The following PDE1C variants were observed in gnomAD, a reference collection of about 807,000 sequenced individuals.
PDE1C encodes dual specificity calcium/calmodulin-dependent 3',5'-cyclic nucleotide phosphodiesterase 1C.
PDE1C carries 62 observed loss-of-function variants against 93.1 expected under a neutral mutation model. That is an observed-to-expected ratio of 0.67 (90% confidence interval 0.54 to 0.82). The LOEUF is 0.82. PDE1C is among the 40% of genes least tolerant of loss of function. The probability of loss-of-function intolerance (pLI) is 0.00; values close to 1 mark genes in which losing one functional copy is unlikely to be tolerated. For synonymous variants in PDE1C, 325 were observed against 310.1 expected, an observed-to-expected ratio of 1.05 and a Z score of -0.50; for missense variants, 742 against 884.6, an observed-to-expected ratio of 0.84 and a Z score of 2.04.
At position 31,777,140 on chromosome 7, in the gene PDE1C, AT is replaced by A. The variant is rs1314339108; in HGVS notation, c.1892-1409del. The stretch of plus-strand genomic sequence containing the variant: ...CATGTACCCTAAAACTTAAAGTATA[AT>A]AAAAAAAAAAGAAAGAAACAATTAG... On this transcript the variant is annotated intron_variant, in intron 16 of 17. Transcript: ENST00000396191. 3.3e-4 allele frequency among the ~76,000 whole-genome samples: 50 copies of A among 150,254 alleles called. 1 individual carries two copies. The highest frequency in any genetic ancestry group is 1.2e-3 in the African/African-American group (50 of 40,360).
intron 16 of PDE1C, chr7:31,788,151 T>C (rs191157407): frequency 6.6e-6 from 1 of 152,278 alleles, no homozygotes; most frequent in East Asian, 1.9e-4. Flanking sequence ...AAATGTTGTT[T>C]CTTGTTGCTT....
At chr7:32,207,355 CAA>C (rs568631714) in intron 2 of PDE1C, among the ~76,000 whole-genome samples, 11 of 109,962 alleles carry the variant, frequency 1.0e-4, no homozygotes, top group Admixed American at 1.9e-4. Flanking sequence ...CTTCCAGTCT[CAA>C]AAAAAAAAAA....
intron 4 of PDE1C, 72 bp from the exon 5 acceptor site, chr7:31,878,108 C>T (rs900742588): frequency 9.9e-7 from 1 of 1,007,656 alleles, no homozygotes; most frequent in African/African-American, 1.6e-5. Context: ...AGACTCATAC[C>T]AAGTATTGAC....
intron 3 of PDE1C, among the ~76,000 whole-genome samples, chr7:32,077,108 C>A (rs368867254): frequency 3.4e-4 from 52 of 152,256 alleles, no homozygotes; most frequent in African/African-American, 1.1e-3. Context: ...GGCGTGGTGG[C>A]ACATTCCTGT....
At chr7:32,113,515 G>C (rs1188709239) in intron 3 of PDE1C, among the ~76,000 whole-genome samples, 1 of 150,778 alleles carries the variant, frequency 6.6e-6, no homozygotes, top group African/African-American at 2.4e-5. Context: ...AATTTTATGA[G>C]ATTACTTAGA....
At chr7:32,188,129 T>C (rs1392037466) in intron 2 of PDE1C, among the ~76,000 whole-genome samples, 1 of 152,108 alleles carries the variant, frequency 6.6e-6, no homozygotes, top group East Asian at 1.9e-4. Context: ...GAATTAGGAA[T>C]AAAGTCTGAT....
intron 1 of PDE1C, among the ~76,000 whole-genome samples, chr7:32,260,482 AT>A (rs1407821976): frequency 1.3e-5 from 2 of 152,118 alleles, no homozygotes; most frequent in African/African-American, 4.8e-5. Flanking sequence ...GTTCACTTTG[AT>A]TCTTTGTTTC....
At chr7:32,235,440 A>C (rs1307530815) in intron 1 of PDE1C, among the ~76,000 whole-genome samples, 1 of 152,092 alleles carries the variant, frequency 6.6e-6, no homozygotes, top group Non-Finnish European at 1.5e-5. Context: ...CCTAGAACTA[A>C]TGAGCAAGTT....
chr7:32,000,977 T>C (rs1358309725), intron 2 of PDE1C, among the ~76,000 whole-genome samples: 1 of 150,144 alleles, frequency 6.7e-6, no homozygotes, highest in Admixed American at 6.8e-5. Flanking sequence ...TGTATACATG[T>C]GCCTGTGTGT....
chr7:32,071,219 C>T (rs1796027893), upstream of PDE1C: 2 of 985,452 alleles, frequency 2.0e-6, no homozygotes, highest in Non-Finnish European at 2.4e-6. Flanking sequence ...AACAAGAGCT[C>T]GGCTCCGCGC....
chr7:31,649,744 G>T, the PDE1C span, among the ~76,000 whole-genome samples: 109,534 of 152,036 alleles, frequency 0.72, 40,047 homozygotes, highest in East Asian at 0.83. Context: ...TCCAACCCAG[G>T]ATGCAAAACA....
chr7:32,233,535 T>C (rs200893759), intron 1 of PDE1C, among the ~76,000 whole-genome samples: 2 of 152,224 alleles, frequency 1.3e-5, no homozygotes, highest in African/African-American at 4.8e-5. Context: ...GGAGTGGCTG[T>C]ATTACTATCA....
chr7:32,165,706 T>C (rs894415335), intron 3 of PDE1C, among the ~76,000 whole-genome samples: 3 of 152,182 alleles, frequency 2.0e-5, no homozygotes, highest in African/African-American at 7.2e-5. Flanking sequence ...ACACATGGGA[T>C]TACAATTCAA....
At chr7:31,996,112 T>C (rs1784699278) in intron 2 of PDE1C, among the ~76,000 whole-genome samples, 1 of 147,136 alleles carries the variant, frequency 6.8e-6, no homozygotes, top group South Asian at 2.2e-4. Flanking sequence ...CACACTTCCA[T>C]GCATTCACTG....
intron 3 of PDE1C, among the ~76,000 whole-genome samples, chr7:32,131,770 A>G (rs777029870): frequency 1.1e-4 from 16 of 152,072 alleles, no homozygotes; most frequent in Non-Finnish European, 1.3e-4. Context: ...TCATTTCTTC[A>G]TTCATTTAAC....
chr7:31,771,111 A>G (rs1014144895), intron 17 of PDE1C, among the ~76,000 whole-genome samples: 1 of 152,048 alleles, frequency 6.6e-6, no homozygotes, highest in African/African-American at 2.4e-5. Context: ...CTGTCTGAGT[A>G]TCCTAAATAC....
intron 1 of PDE1C, among the ~76,000 whole-genome samples, chr7:32,225,169 C>T (rs1374330601): frequency 1.3e-5 from 2 of 152,176 alleles, no homozygotes; most frequent in East Asian, 3.8e-4. Flanking sequence ...ATTTGTTAAA[C>T]TTCCACAGTG....
chr7:31,632,766 G>A, the PDE1C span, among the ~76,000 whole-genome samples: 1 of 152,156 alleles, frequency 6.6e-6, no homozygotes. Context: ...AGGTTTTACA[G>A]CAAGCATTAA....
chr7:32,205,813 A>G (rs919347466), intron 2 of PDE1C, among the ~76,000 whole-genome samples: 3 of 152,188 alleles, frequency 2.0e-5, no homozygotes, highest in Non-Finnish European at 4.4e-5. Flanking sequence ...TAAGAGCTGT[A>G]ACAGTCATTG....
Sources: allele counts gnomAD v4.1 joint callset (sites outside exome capture counted in the v4.1 genomes callset), GRCh38; gene constraint gnomAD v4.1.1; transcripts MANE v1.5; gene names NCBI Gene and HGNC (gene_info 2026-07-23, HGNC 2026-07-21).